Variants in PARM1 observed in about 807,000 individuals in gnomAD.
The protein encoded by PARM1 is prostate androgen-regulated mucin-like protein 1.
PARM1 carries 14 observed loss-of-function variants against 24.6 expected under a neutral mutation model. The ratio of observed to expected loss-of-function variants is 0.57; its 90% CI spans 0.38 to 0.89. PARM1 has a LOEUF of 0.89. Ranked by LOEUF, PARM1 falls within the 40% of genes least tolerant of loss-of-function variation. The pLI is 0.00. For synonymous variants in PARM1, 179 were observed against 156.6 expected (o/e 1.14, Z -1.07); for missense variants, 362 against 380.4 (o/e 0.95, Z 0.40).
At chr4:74,987,710 G>C (rs1722384177) in intron 1 of PARM1, among the ~76,000 whole-genome samples, 1 of 152,154 alleles carries the variant, frequency 6.6e-6, no homozygotes, top group East Asian at 1.9e-4. Context: ...AACAGATCCT[G>C]TGTTGTTTGT....
At chr4:74,972,013 A>G (rs1200809467) in intron 1 of PARM1, among the ~76,000 whole-genome samples, 1 of 152,206 alleles carries the variant, frequency 6.6e-6, no homozygotes, top group Non-Finnish European at 1.5e-5. Flanking sequence ...AGCTCCTTGA[A>G]GTTACTGGTA....
intron 2 of PARM1, among the ~76,000 whole-genome samples, chr4:75,028,143 CAGTA>C: frequency 6.6e-6 from 1 of 152,334 alleles, no homozygotes; most frequent in South Asian, 2.1e-4. Context: ...CCCTGGCACA[CAGTA>C]AGTAACAGGA....
At chr4:74,945,492 C>A (rs537825733) in intron 1 of PARM1, among the ~76,000 whole-genome samples, 3 of 152,260 alleles carry the variant, frequency 2.0e-5, no homozygotes, top group Admixed American at 2.0e-4. Flanking sequence ...CAATGTTTAC[C>A]GGGCATCACT....
At position 74,939,766 on chromosome 4, in the gene PARM1, C is replaced by G. The variant is rs374726073; in HGVS notation, c.43+6396C>G. The stretch of plus-strand genomic sequence containing the variant: ...ATTGAACTGTGGTGGATATTTGTAC[C>G]TTTTATACCTAAGGCAAAAAATCTG... On this transcript the variant is annotated intron_variant, in intron 1 of 3. Coordinates refer to ENST00000307428, the MANE Select transcript of PARM1 (RefSeq NM_015393.4). Among the ~76,000 whole-genome samples the G allele has an allele frequency of 8.7e-4, 132 of 152,100 alleles. No homozygotes were observed. The South Asian group carries it at 0.026, about 30-fold the overall frequency.
intron 2 of PARM1, among the ~76,000 whole-genome samples, chr4:75,014,269 C>G (rs989384913): frequency 1.3e-5 from 2 of 152,168 alleles, no homozygotes; most frequent in African/African-American, 4.8e-5. Flanking sequence ...CATGGAAGAG[C>G]TCACAATTTA....
At chr4:75,002,997 A>G (rs1722709789) in intron 1 of PARM1, among the ~76,000 whole-genome samples, 3 of 152,192 alleles carry the variant, frequency 2.0e-5, no homozygotes, top group South Asian at 4.1e-4. Flanking sequence ...GATCCCACAA[A>G]TGTTGGGACT....
At chr4:74,946,578 G>A (rs1280446004) in intron 1 of PARM1, among the ~76,000 whole-genome samples, 2 of 152,128 alleles carry the variant, frequency 1.3e-5, no homozygotes, top group Non-Finnish European at 2.9e-5. Context: ...CTAATTCCGG[G>A]TCTGGGTTAG....
At chr4:74,975,100 C>T (rs1334484701) in intron 1 of PARM1, among the ~76,000 whole-genome samples, 1 of 152,208 alleles carries the variant, frequency 6.6e-6, no homozygotes, top group African/African-American at 2.4e-5. Flanking sequence ...CCCCCTTTCA[C>T]CTAACCTTTG....
At chr4:74,991,299 T>C (rs1293053495) in intron 1 of PARM1, among the ~76,000 whole-genome samples, 1 of 152,178 alleles carries the variant, frequency 6.6e-6, no homozygotes, top group African/African-American at 2.4e-5. Context: ...TCAATGGTTT[T>C]CCAATATTGG....
At chr4:74,985,543 A>C (rs910122171) in intron 1 of PARM1, among the ~76,000 whole-genome samples, 6 of 152,186 alleles carry the variant, frequency 3.9e-5, no homozygotes, top group Admixed American at 6.5e-5. Flanking sequence ...GAAGTAACAA[A>C]GCAACTTGCT....
intron 2 of PARM1, among the ~76,000 whole-genome samples, chr4:75,017,035 C>G (rs547552756): frequency 2.6e-4 from 39 of 152,254 alleles, no homozygotes; most frequent in African/African-American, 9.4e-4. Context: ...TTCAATTCTT[C>G]AGGCCAAAAC....
At chr4:75,034,102 T>C in intron 3 of PARM1, 141 bp downstream of exon 3, 1 of 677,940 alleles carries the variant, frequency 1.5e-6, no homozygotes, top group Non-Finnish European at 2.6e-6. Flanking sequence ...ATGGCGGGTG[T>C]ACTCCTACAC....
intron 2 of PARM1, among the ~76,000 whole-genome samples, chr4:75,024,926 C>G (rs1723155792): frequency 6.6e-6 from 1 of 152,202 alleles, no homozygotes; most frequent in Non-Finnish European, 1.5e-5. Context: ...AACTCCTGAC[C>G]TCAGGTGATC....
intron 1 of PARM1, among the ~76,000 whole-genome samples, chr4:74,951,761 A>G (rs572046951): frequency 2.0e-5 from 3 of 152,186 alleles, no homozygotes; most frequent in Non-Finnish European, 4.4e-5. Flanking sequence ...GCAAAAGGAC[A>G]TGAACTCATC....
In PARM1 at chr4:75,031,404, A is replaced by G. The variant is rs565774429; in HGVS notation, c.770-2479A>G. ...TGGCTAATTCCAGCTCTGGTCATAT[A>G]GGCTATCTTCTGTGGACATGGAAGG... On this transcript the variant is annotated intron_variant, in intron 2 of 3. Transcript: ENST00000307428. 2.0e-5 allele frequency among the ~76,000 whole-genome samples: 3 copies of G among 152,260 alleles called. No homozygotes were observed. The East Asian group carries it at 5.8e-4, about 29-fold the overall frequency.
At chr4:75,016,158 G>A (rs773093950) in intron 2 of PARM1, among the ~76,000 whole-genome samples, 1 of 152,274 alleles carries the variant, frequency 6.6e-6, no homozygotes. Flanking sequence ...GAGAGAGCAG[G>A]GAGCTGAGTT....
intron 1 of PARM1, among the ~76,000 whole-genome samples, chr4:74,984,286 A>G (rs1281086350): frequency 6.6e-6 from 1 of 152,248 alleles, no homozygotes; most frequent in African/African-American, 2.4e-5. Context: ...CCTGTACTTC[A>G]CTAAATGGTA....
intron 1 of PARM1, among the ~76,000 whole-genome samples, chr4:75,008,102 G>A (rs566997174): frequency 6.6e-6 from 1 of 152,278 alleles, no homozygotes; most frequent in African/African-American, 2.4e-5. Flanking sequence ...TCTTTGTATT[G>A]GAAATAGACC....
chr4:74,954,352 C>T (rs1215563949), intron 1 of PARM1, among the ~76,000 whole-genome samples: 2 of 152,184 alleles, frequency 1.3e-5, no homozygotes, highest in Non-Finnish European at 2.9e-5. Context: ...AAAATGATGA[C>T]ATTTATCTTC....
Sources: gnomAD v4.1 joint callset for allele counts (sites outside exome capture counted in the v4.1 genomes callset) on GRCh38, gnomAD v4.1.1 for gene constraint, MANE v1.5 for transcripts, NCBI Gene and HGNC (gene_info 2026-07-23, HGNC 2026-07-21) for gene names.